The following MYOCD variants were observed in gnomAD, a reference collection of about 807,000 sequenced individuals.
The protein encoded by MYOCD is myocardin.
A neutral mutation model predicts 96.1 loss-of-function variants in MYOCD; 32 were observed. The ratio of observed to expected loss-of-function variants is 0.33; its 90% CI spans 0.25 to 0.45. The LOEUF (loss-of-function observed/expected upper bound fraction) is 0.45, where lower values mean the gene tolerates loss of function less well. Among genes scored for constraint, MYOCD ranks in the 20% least tolerant of loss-of-function variants. MYOCD has a pLI of 1.00. For synonymous variants in MYOCD, 469 were observed against 469.0 expected, an observed-to-expected ratio of 1.00 and a Z score of 0.00; for missense variants, 1,133 against 1,200.6, an observed-to-expected ratio of 0.94 and a Z score of 0.83.
At chr17:12,744,687 T>C (rs1291315663) in intron 8 of MYOCD, among the ~76,000 whole-genome samples, 1 of 152,178 alleles carries the variant, frequency 6.6e-6, no homozygotes, top group Non-Finnish European at 1.5e-5. Context: ...CCCTGAAACC[T>C]CAGAGAGTAC....
In MYOCD at chr17:12,764,710, A is replaced by G. The variant is rs571420761; in HGVS notation, c.*1066A>G. The G allele has an allele frequency of 6.6e-6, 1 of 152,242 alleles. No individual in the cohort carries two copies. Among genetic ancestry groups the G allele is most frequent in the South Asian group, 2.1e-4 (1 of 4,820 alleles). 9.4% of individuals were successfully genotyped at this position (152,242 alleles called of 1,614,324 possible). Reference sequence around the variant, plus strand: ...ACTCCACTTTTCCTTCAAGGTACCAATCCTTTCCTGTTCCTCGTTTGGCCA... The same window carrying G: ...ACTCCACTTTTCCTTCAAGGTACCAGTCCTTTCCTGTTCCTCGTTTGGCCA... On this transcript the variant is annotated 3_prime_UTR_variant, in exon 14 of 14. Coordinates refer to ENST00000425538, the MANE Select transcript of MYOCD (RefSeq NM_001146312.3).
intron 7 of MYOCD, 61 bp downstream of exon 7, chr17:12,739,389 G>A (rs1428440098): frequency 4.7e-6 from 7 of 1,481,200 alleles, no homozygotes; most frequent in Admixed American, 2.6e-5. Context: ...CCGACTTGGA[G>A]CAGAACTTTC....
chr17:12,742,133 G>C (rs371259213), intron 7 of MYOCD, among the ~76,000 whole-genome samples: 2 of 152,250 alleles, frequency 1.3e-5, no homozygotes, highest in East Asian at 3.9e-4. Context: ...GTCTGGAGCA[G>C]GCCAGGGCAG....
At chr17:12,683,001 A>G (rs892030602) in intron 1 of MYOCD, among the ~76,000 whole-genome samples, 1 of 152,126 alleles carries the variant, frequency 6.6e-6, no homozygotes, top group Non-Finnish European at 1.5e-5. Context: ...ATCTCATCAA[A>G]CTGAACGACA....
chr17:12,754,475 G>A lies in MYOCD; in HGVS notation c.2058+1129G>A, dbSNP rs533743248. On this transcript the variant is annotated intron_variant, in intron 10 of 13. Coordinates refer to ENST00000425538, the MANE Select transcript of MYOCD (RefSeq NM_001146312.3). ...TTGAAAGCAGTAAAAAGAAAATGTCGTGGATATTTGGGGTGAAGGCATTGA... is the reference window on the plus strand; with the variant it reads ...TTGAAAGCAGTAAAAAGAAAATGTCATGGATATTTGGGGTGAAGGCATTGA... Among the ~76,000 whole-genome samples, 75 of 152,218 alleles carry A rather than the reference G, an allele frequency of 4.9e-4. 1 individual carries two copies. The highest frequency in any genetic ancestry group is 9.4e-4 in the Non-Finnish European group (64 of 68,044).
chr17:12,687,821 C>T (rs755487176), intron 1 of MYOCD, among the ~76,000 whole-genome samples: 1 of 151,874 alleles, frequency 6.6e-6, no homozygotes, highest in Non-Finnish European at 1.5e-5. Context: ...ACCAAATAGT[C>T]GAGTGGAGAG....
chr17:12,748,067 C>T (rs747678797), intron 9 of MYOCD, among the ~76,000 whole-genome samples: 3 of 146,090 alleles, frequency 2.1e-5, no homozygotes, highest in Non-Finnish European at 4.5e-5. Context: ...GAGGCTGAGG[C>T]GGGAGAATCG....
intron 5 of MYOCD, among the ~76,000 whole-genome samples, chr17:12,731,933 G>A (rs760404223): frequency 1.8e-4 from 28 of 152,326 alleles, no homozygotes; most frequent in Middle Eastern, 6.8e-3. Flanking sequence ...CTTCTGCCCT[G>A]GCAGTGGCAA....
intron 2 of MYOCD, among the ~76,000 whole-genome samples, chr17:12,714,362 C>CACACACA (rs1597772908): frequency 6.8e-5 from 10 of 147,740 alleles, no homozygotes; most frequent in East Asian, 2.0e-4. Context: ...CACACACACA[C>CACACACA]CCCGATCTGG....
At chr17:12,752,198 A>G (rs1157478123) in intron 9 of MYOCD, among the ~76,000 whole-genome samples, 2 of 152,228 alleles carry the variant, frequency 1.3e-5, no homozygotes, top group African/African-American at 2.4e-5. Flanking sequence ...CTCTAAGGCC[A>G]TGAAAACACC....
chr17:12,757,521 C>T (rs1051006741), intron 11 of MYOCD, among the ~76,000 whole-genome samples: 3 of 152,112 alleles, frequency 2.0e-5, no homozygotes, highest in Non-Finnish European at 2.9e-5. Flanking sequence ...TTTTGAGACA[C>T]AGTCTCACTC....
rs1365858585 is a variant in MYOCD at position 12,766,983 on chromosome 17, AAGAG to A, written c.*3340_*3343del. 2 of 150,796 alleles carry A rather than the reference AAGAG, an allele frequency of 1.3e-5. No individual in the cohort carries two copies. Among genetic ancestry groups the A allele is most frequent in the Non-Finnish European group, 3.0e-5 (2 of 67,712 alleles). 9.3% of individuals were successfully genotyped at this position (150,796 alleles called of 1,614,324 possible). A position where few individuals can be genotyped will look rare whatever the true frequency, so the allele number is the denominator to read the frequency against. On this transcript the variant is annotated 3_prime_UTR_variant, in exon 14 of 14. Transcript: ENST00000425538. ...GGAAGAGAGGGAGGGAGGGAGGAAGAAGAGGGAGGGAGCGAGGAAGGAAGATAGG... is the reference window on the plus strand; with the variant it reads ...GGAAGAGAGGGAGGGAGGGAGGAAGAGGAGGGAGCGAGGAAGGAAGATAGG...
intron 5 of MYOCD, among the ~76,000 whole-genome samples, chr17:12,727,571 G>A (rs2032035721): frequency 6.6e-6 from 1 of 152,112 alleles, no homozygotes; most frequent in African/African-American, 2.4e-5. Flanking sequence ...TGCCTTTCCA[G>A]ATGTGTTTAC....
rs943300545 is a variant in MYOCD, at chr17:12,752,472, C to T, written c.1184C>T (p.Thr395Met). ...IRGLPVSGTK[T>M]ALMDRLRPFQ... ...GGCTTGCCTGTGTCAGGCACCAAAA[C>T]GGCTCTCATGGACCGGCTTCGACCC... Residue 395 changes from threonine to methionine, a missense_variant, in exon 10 of 14, where the codon ACG becomes ATG. Physicochemically the swap from Thr to Met is moderately conservative, Grantham distance 81 (BLOSUM62 -1). Transcript: ENST00000425538. 3.0e-5 allele frequency: 48 copies of T among 1,613,938 alleles called. No individual in the cohort carries two copies. Among genetic ancestry groups the T allele is most frequent in the Non-Finnish European group, 3.8e-5 (45 of 1,180,000 alleles).
At position 12,722,861 on chromosome 17, in the gene MYOCD, A is replaced by T. The variant is rs1420818848; in HGVS notation, c.268A>T (p.Arg90Trp). 1.2e-6 allele frequency: 2 copies of T among 1,613,162 alleles called. No individual in the cohort carries two copies. The highest frequency in any genetic ancestry group is 2.2e-5 in the East Asian group (1 of 44,850). Residue 90 changes from arginine to tryptophan, a missense_variant, in exon 5 of 14, where the codon AGG becomes TGG. Arg to Trp is a moderately radical substitution (Grantham distance 101). Transcript: ENST00000425538. Reference sequence around the variant, plus strand: ...CAACCCTTTAGCTTCCACTGCAGAGAGGTCCATTCCAACTGCTCAGATGAA... The same window carrying T: ...CAACCCTTTAGCTTCCACTGCAGAGTGGTCCATTCCAACTGCTCAGATGAA... ...MHILQASTAE[R>W]SIPTAQMKLK...
At chr17:12,759,256 G>T (rs1224997764) in intron 12 of MYOCD, among the ~76,000 whole-genome samples, 1 of 152,184 alleles carries the variant, frequency 6.6e-6, no homozygotes. Context: ...AATAACAGGA[G>T]ATGGTATGCA....
intron 1 of MYOCD, among the ~76,000 whole-genome samples, chr17:12,701,424 A>C (rs534845795): frequency 9.8e-5 from 15 of 152,310 alleles, no homozygotes; most frequent in Admixed American, 8.5e-4. Context: ...AATAAATAAA[A>C]TAAAATAAAA....
intron 7 of MYOCD, 138 bp from the exon 8 acceptor site, chr17:12,744,045 A>T: frequency 2.0e-6 from 2 of 1,008,336 alleles, no homozygotes; most frequent in Non-Finnish European, 2.9e-6. Context: ...AGCTCTTTGT[A>T]CATCATGCCT....
intron 5 of MYOCD, among the ~76,000 whole-genome samples, chr17:12,732,942 C>T (rs1304253626): frequency 6.6e-6 from 1 of 152,200 alleles, no homozygotes; most frequent in African/African-American, 2.4e-5. Context: ...AGCAAGATGT[C>T]ACAGTCAGTC....
Sources: allele counts gnomAD v4.1 joint callset (sites outside exome capture counted in the v4.1 genomes callset), GRCh38; gene constraint gnomAD v4.1.1; transcripts MANE v1.5; gene names NCBI Gene and HGNC (gene_info 2026-07-23, HGNC 2026-07-21).